Variants in TMEM196 observed in about 807,000 individuals in gnomAD.
TMEM196 encodes the protein transmembrane protein 196.
TMEM196 carries 17 observed loss-of-function variants against 20.0 expected under a neutral mutation model. The observed-to-expected ratio is 0.85, with a 90% CI of 0.58 to 1.27. The LOEUF (loss-of-function observed/expected upper bound fraction) is 1.27. Ranked by LOEUF, TMEM196 falls within the 50% of genes most tolerant of loss-of-function variation. The pLI, the probability that TMEM196 is intolerant of heterozygous loss-of-function variation, is 0.00. For missense variants in TMEM196, 267 were observed against 223.0 expected, an observed-to-expected ratio of 1.20 and a Z score of -1.26; for synonymous variants, 113 against 88.9, an observed-to-expected ratio of 1.27 and a Z score of -1.52.
intron 2 of TMEM196, among the ~76,000 whole-genome samples, chr7:19,727,331 T>C (rs1784033824): frequency 6.6e-6 from 1 of 152,182 alleles, no homozygotes; most frequent in Non-Finnish European, 1.5e-5. Context: ...CCAGCCAAGA[T>C]TTTTGGAGAA....
intron 1 of TMEM196, among the ~76,000 whole-genome samples, chr7:19,747,547 C>T (rs1284167492): frequency 6.6e-6 from 1 of 152,198 alleles, no homozygotes; most frequent in Admixed American, 6.5e-5. Flanking sequence ...CTCTATATTT[C>T]AGCTGAGAAA....
chr7:19,725,678 A>C lies in TMEM196; in HGVS notation c.295T>G (p.Ser99Ala). Residue 99 changes from serine (S) to alanine (A), a missense_variant, in exon 3 of 5, where the codon TCC (serine) becomes GCC (alanine). Transcript: ENST00000405844. Reference sequence around the variant, plus strand: ...GAGGCAAGGTGCAGTGGGTATAGGGAGGAAGTTTTCTTTGTGACTGCCCGG... The same window carrying C: ...GAGGCAAGGTGCAGTGGGTATAGGGCGGAAGTTTTCTTTGTGACTGCCCGG... Reference protein sequence around the residue: ...FLRAVTKKTSSLYPLHLASMS... With the variant: ...FLRAVTKKTSALYPLHLASMS... The C allele has an allele frequency of 6.2e-7, 1 of 1,613,956 alleles. No individual in the cohort carries two copies. Among genetic ancestry groups the C allele is most frequent in the Non-Finnish European group, 8.5e-7 (1 of 1,179,830 alleles).
chr7:19,770,584 G>A (rs78135925), intron 1 of TMEM196, among the ~76,000 whole-genome samples: 3,847 of 152,198 alleles, frequency 0.025, 136 homozygotes, highest in East Asian at 0.13. Context: ...CATTCATTCA[G>A]TCAGATGTAT....
chr7:19,726,524 A>G (rs925300193), intron 2 of TMEM196, among the ~76,000 whole-genome samples: 33 of 152,270 alleles, frequency 2.2e-4, no homozygotes, highest in African/African-American at 7.5e-4. Flanking sequence ...TGAAGAATAT[A>G]CAATAGGCGT....
intron 1 of TMEM196, among the ~76,000 whole-genome samples, chr7:19,731,768 T>C (rs1413087258): frequency 1.3e-5 from 2 of 152,164 alleles, no homozygotes; most frequent in African/African-American, 4.8e-5. Context: ...CTCACTTCAA[T>C]TGGATGGAGC....
intron 4 of TMEM196, among the ~76,000 whole-genome samples, chr7:19,723,855 C>T (rs10435067): frequency 0.18 from 27,072 of 151,960 alleles, 2,911 homozygotes; most frequent in East Asian, 0.58. Flanking sequence ...AAAATTTTAC[C>T]GTATTAGTGT....
intron 1 of TMEM196, among the ~76,000 whole-genome samples, chr7:19,759,654 A>G (rs757344351): frequency 7.9e-5 from 12 of 151,940 alleles, no homozygotes; most frequent in Non-Finnish European, 1.6e-4. Flanking sequence ...ACACACACGC[A>G]GGCACACACA....
At chr7:19,758,836 A>C (rs181736941) in intron 1 of TMEM196, among the ~76,000 whole-genome samples, 251 of 152,174 alleles carry the variant, frequency 1.6e-3, no homozygotes, top group Non-Finnish European at 2.9e-3. Context: ...GTGCATCTTC[A>C]CTCATACTTG....
intron 1 of TMEM196, among the ~76,000 whole-genome samples, chr7:19,733,051 G>T (rs568984660): frequency 6.6e-6 from 1 of 151,806 alleles, no homozygotes; most frequent in Non-Finnish European, 1.5e-5. Flanking sequence ...GATTATTTGC[G>T]TTGATCTTAC....
intron 1 of TMEM196, among the ~76,000 whole-genome samples, chr7:19,734,425 T>TA (rs1012092883): frequency 6.6e-6 from 1 of 152,044 alleles, no homozygotes; most frequent in Non-Finnish European, 1.5e-5. Flanking sequence ...TATTATAGGG[T>TA]AAAAAAGGCT....
intron 1 of TMEM196, among the ~76,000 whole-genome samples, chr7:19,748,965 A>G (rs957925155): frequency 4.6e-5 from 7 of 152,236 alleles, no homozygotes; most frequent in African/African-American, 9.6e-5. Flanking sequence ...ATAACATTTT[A>G]TGCACATTTT....
intron 1 of TMEM196, among the ~76,000 whole-genome samples, chr7:19,730,631 G>C (rs1404713636): frequency 1.3e-5 from 2 of 152,144 alleles, no homozygotes; most frequent in East Asian, 1.9e-4. Flanking sequence ...AATATAGCTT[G>C]TTTCACTAAA....
chr7:19,741,560 A>C (rs929817319), intron 1 of TMEM196, among the ~76,000 whole-genome samples: 1 of 152,166 alleles, frequency 6.6e-6, no homozygotes, highest in Admixed American at 6.6e-5. Context: ...AGCATTTGAA[A>C]ATAACTTGGA....
intron 1 of TMEM196, among the ~76,000 whole-genome samples, chr7:19,754,573 G>C (rs1214716005): frequency 6.6e-6 from 1 of 152,150 alleles, no homozygotes; most frequent in Non-Finnish European, 1.5e-5. Flanking sequence ...GTGTGTTGTT[G>C]CCAGAGTGCA....
intron 1 of TMEM196, among the ~76,000 whole-genome samples, chr7:19,771,823 C>T (rs895551110): frequency 6.6e-6 from 1 of 152,136 alleles, no homozygotes; most frequent in African/African-American, 2.4e-5. Flanking sequence ...GACAGTTTCT[C>T]TGAGCAGTTA....
In TMEM196 at chr7:19,722,097, A is replaced by G. The variant is rs1425666050; in HGVS notation, c.*31T>C. 2 of 1,610,374 alleles carry G rather than the reference A, an allele frequency of 1.2e-6. No individual in the cohort carries two copies. The highest frequency in any genetic ancestry group is 2.7e-5 in the African/African-American group (2 of 74,650). On this transcript the variant is annotated 3_prime_UTR_variant, in exon 5 of 5. Coordinates refer to ENST00000405844, the MANE Select transcript of TMEM196 (RefSeq NM_001363562.2). ...TGATTACACTCTTCCATTAAATATC[A>G]GCTGTGGTCCTCCATTGCTCATGTT...
chr7:19,753,683 TCAAA>T (rs1237149013), intron 1 of TMEM196, among the ~76,000 whole-genome samples: 1 of 152,294 alleles, frequency 6.6e-6, no homozygotes, highest in Admixed American at 6.5e-5. Flanking sequence ...TCCCTTATCC[TCAAA>T]CATTTTTTGT....
intron 1 of TMEM196, among the ~76,000 whole-genome samples, chr7:19,768,103 A>C (rs1382750425): frequency 1.3e-5 from 2 of 152,104 alleles, no homozygotes; most frequent in Non-Finnish European, 2.9e-5. Flanking sequence ...CATCAGATTT[A>C]TTAAGCAGAT....
chr7:19,727,950 A>C (rs191511216), intron 2 of TMEM196, among the ~76,000 whole-genome samples: 34 of 152,260 alleles, frequency 2.2e-4, no homozygotes, highest in Non-Finnish European at 3.4e-4. Flanking sequence ...AAAATGTAGA[A>C]AATATTGATA....
Sources: gnomAD v4.1 joint callset for allele counts (sites outside exome capture counted in the v4.1 genomes callset) on GRCh38, gnomAD v4.1.1 for gene constraint, MANE v1.5 for transcripts, NCBI Gene and HGNC (gene_info 2026-07-23, HGNC 2026-07-21) for gene names.